The following ENOX1 variants were observed in gnomAD, a reference collection of about 807,000 sequenced individuals.
The protein encoded by ENOX1 is ecto-NOX disulfide-thiol exchanger 1, also known as candidate growth-related and time keeping constitutive hydroquinone (NADH) oxidase.
Under a neutral mutation model 82.5 loss-of-function variants are expected in ENOX1, and 42 were observed. The observed-to-expected ratio is 0.51, with a 90% confidence interval of 0.40 to 0.66. The LOEUF (loss-of-function observed/expected upper bound fraction) is 0.66. Among genes scored for constraint, ENOX1 ranks in the 30% least tolerant of loss-of-function variants. The pLI, the probability that ENOX1 is intolerant of heterozygous loss-of-function variation, is 0.00. For missense variants in ENOX1, 608 were observed against 811.6 expected (o/e 0.75, Z 3.05); for synonymous variants, 271 against 282.2 (o/e 0.96, Z 0.40).
intron 8 of ENOX1, among the ~76,000 whole-genome samples, chr13:43,355,185 T>C (rs934335835): frequency 6.6e-6 from 1 of 152,210 alleles, no homozygotes; most frequent in African/African-American, 2.4e-5. Flanking sequence ...GTAATAGAAC[T>C]GAATTCACAT....
At chr13:43,216,763 G>C (rs997887904) in intron 16 of ENOX1, among the ~76,000 whole-genome samples, 6 of 152,190 alleles carry the variant, frequency 3.9e-5, no homozygotes, top group Non-Finnish European at 8.8e-5. Context: ...TAGGGAAGAA[G>C]GTTTGTGCCA....
chr13:43,235,731 CA>C (rs558553513), intron 15 of ENOX1, among the ~76,000 whole-genome samples: 11,964 of 82,588 alleles, frequency 0.14, 1,019 homozygotes, highest in African/African-American at 0.32. Flanking sequence ...GACCCTGTCT[CA>C]AAAAAAAAAA....
At chr13:43,462,776 A>G (rs2057545410) in intron 3 of ENOX1, among the ~76,000 whole-genome samples, 1 of 152,234 alleles carries the variant, frequency 6.6e-6, no homozygotes, top group Non-Finnish European at 1.5e-5. Context: ...AAGTCCCCAT[A>G]AACGAGTCAA....
intron 3 of ENOX1, among the ~76,000 whole-genome samples, chr13:43,419,693 C>T (rs1566176028): frequency 6.6e-6 from 1 of 152,110 alleles, no homozygotes; most frequent in Non-Finnish European, 1.5e-5. Flanking sequence ...GATACCAGGC[C>T]AGGCACGGTG....
chr13:43,246,761 G>C (rs1295478788), intron 14 of ENOX1, among the ~76,000 whole-genome samples: 1 of 152,160 alleles, frequency 6.6e-6, no homozygotes, highest in Non-Finnish European at 1.5e-5. Context: ...GGCAGGTGGA[G>C]AGGCTCAGGC....
At chr13:43,308,851 C>T (rs1246186722) in intron 11 of ENOX1, among the ~76,000 whole-genome samples, 6 of 152,156 alleles carry the variant, frequency 3.9e-5, no homozygotes, top group Admixed American at 3.9e-4. Context: ...TGCAAAATGC[C>T]ACAGAATCCC....
At chr13:43,281,820 C>A (rs1472456100) in intron 12 of ENOX1, among the ~76,000 whole-genome samples, 1 of 152,124 alleles carries the variant, frequency 6.6e-6, no homozygotes. Flanking sequence ...AGGGAGACCA[C>A]GTTTTTAGGG....
At chr13:43,248,356 T>C (rs1290412228) in intron 14 of ENOX1, among the ~76,000 whole-genome samples, 1 of 152,114 alleles carries the variant, frequency 6.6e-6, no homozygotes, top group Non-Finnish European at 1.5e-5. Flanking sequence ...ATGAGGAATA[T>C]ATATGTATGG....
chr13:43,271,001 G>C (rs1190416564), intron 12 of ENOX1, among the ~76,000 whole-genome samples: 1 of 152,182 alleles, frequency 6.6e-6, no homozygotes, highest in Non-Finnish European at 1.5e-5. Flanking sequence ...GAATGGCTCT[G>C]TTCCTTCATT....
At chr13:43,631,917 A>G (rs1183533446) in intron 2 of ENOX1, among the ~76,000 whole-genome samples, 3 of 152,222 alleles carry the variant, frequency 2.0e-5, no homozygotes, top group Non-Finnish European at 4.4e-5. Flanking sequence ...CTTTTCTTTA[A>G]AACAAGAGTG....
intron 11 of ENOX1, among the ~76,000 whole-genome samples, chr13:43,313,049 GA>G (rs1376828186): frequency 1.3e-5 from 2 of 152,162 alleles, no homozygotes; most frequent in Non-Finnish European, 2.9e-5. Context: ...GAAGGCATTT[GA>G]AAGAGATTCT....
Position 43,786,481 on chromosome 13 carries a change from C to T in ENOX1, c.-285+171G>A, listed in dbSNP as rs1952634918. Among the ~76,000 whole-genome samples the T allele has an allele frequency of 3.3e-5, 5 of 151,820 alleles. No individual in the cohort carries two copies. The South Asian group carries it at 8.3e-4, about 25-fold the overall frequency. ...GGCGTGGGGGCTGCACCGAAGCCCC[C>T]ACGCGTCCACGCACCCCTCCTCACC... On this transcript the variant is annotated intron_variant, in intron 1 of 16. Coordinates refer to ENST00000690772, the MANE Select transcript of ENOX1 (RefSeq NM_001347969.2). This position sits in a 1 kb window ranked among gnomAD's most constrained non-coding sequence, Gnocchi z 6.0.
At chr13:43,326,235 G>A (rs2048106239) in intron 10 of ENOX1, among the ~76,000 whole-genome samples, 184 bp downstream of exon 10, 3 of 152,210 alleles carry the variant, frequency 2.0e-5, no homozygotes, top group Non-Finnish European at 4.4e-5. Context: ...TGTTCCCTAA[G>A]TGTTAAGTCA....
intron 2 of ENOX1, among the ~76,000 whole-genome samples, chr13:43,495,282 A>T (rs1016043010): frequency 6.6e-6 from 1 of 152,112 alleles, no homozygotes; most frequent in Non-Finnish European, 1.5e-5. Context: ...CCTACACACA[A>T]GTCAAGATAC....
rs60259011 is a variant in ENOX1, at chr13:43,685,873, AACACACACACAC to A, written c.-284-18341_-284-18330del. Among the ~76,000 whole-genome samples the A allele has an allele frequency of 5.3e-3, 745 of 141,524 alleles. 6 individuals carry two copies. Among genetic ancestry groups the A allele is most frequent in the African/African-American group, 0.017 (630 of 38,056 alleles). The allele number at this position is 141,524 out of a possible 152,430, so 92.8% of individuals were successfully genotyped here. A position where few individuals can be genotyped will look rare whatever the true frequency, so the allele number is the denominator to read the frequency against. ...ACTGCCTTTAGAAATCCCAGAAGGAAACACACACACACACACACACACACACACACACACACA... is the reference window on the plus strand; with the variant it reads ...ACTGCCTTTAGAAATCCCAGAAGGAAACACACACACACACACACACACACA... On this transcript the variant is annotated intron_variant, in intron 1 of 16. Transcript: ENST00000690772.
intron 1 of ENOX1, among the ~76,000 whole-genome samples, chr13:43,758,136 T>C (rs1426927510): frequency 2.6e-5 from 4 of 152,014 alleles, no homozygotes; most frequent in Non-Finnish European, 4.4e-5. Context: ...CTCAAGAGGC[T>C]GAGGCAGAAG....
intron 2 of ENOX1, among the ~76,000 whole-genome samples, chr13:43,569,574 G>A (rs766738970): frequency 6.6e-6 from 1 of 151,952 alleles, no homozygotes. Flanking sequence ...GGGTCCCCTG[G>A]CATTACTGCA....
At chr13:43,641,131 A>C (rs981834738) in intron 2 of ENOX1, among the ~76,000 whole-genome samples, 12 of 152,190 alleles carry the variant, frequency 7.9e-5, no homozygotes, top group African/African-American at 2.7e-4. Context: ...TATTTAAGTA[A>C]TATAGATTTG....
At chr13:43,409,344 T>C (rs2053983398) in intron 5 of ENOX1, among the ~76,000 whole-genome samples, 1 of 152,112 alleles carries the variant, frequency 6.6e-6, no homozygotes, top group African/African-American at 2.4e-5. Context: ...ATGGAAATAA[T>C]TCTAACAGCT....
Sources: allele counts gnomAD v4.1 joint callset (sites outside exome capture counted in the v4.1 genomes callset), GRCh38; gene constraint gnomAD v4.1.1; non-coding constraint Gnocchi (gnomAD v3.1); transcripts MANE v1.5; gene names NCBI Gene and HGNC (gene_info 2026-07-23, HGNC 2026-07-21).